VTI1A: variants seen among roughly 807,000 people sequenced by gnomAD.
VTI1A encodes vesicle transport through interaction with t-SNAREs 1A, also known as vesicle transport through interaction with t-SNAREs homolog 1A.
In VTI1A, 22 loss-of-function variants were observed where a neutral mutation model predicts 34.9. The observed-to-expected ratio is 0.63, with a 90% CI of 0.45 to 0.90. VTI1A has a LOEUF of 0.90. Among genes scored for constraint, VTI1A ranks in the 40% least tolerant of loss-of-function variants. The probability of loss-of-function intolerance (pLI) is 0.00; values close to 1 mark genes in which losing one functional copy is unlikely to be tolerated. For synonymous variants in VTI1A, 87 were observed against 97.3 expected (o/e 0.89, Z 0.62); for missense variants, 268 against 275.6 (o/e 0.97, Z 0.20).
At position 112,631,672 on chromosome 10, in the gene VTI1A, C is replaced by T. The variant is rs544144661; in HGVS notation, c.428-36546C>T. On this transcript the variant is annotated intron_variant, in intron 5 of 7. Transcript: ENST00000393077. ...TGCTATTAACTCCCTGAAAGCCTGA[C>T]GCAAACCTCTGAGCCTTATTTTGCT... Among the ~76,000 whole-genome samples the T allele has an allele frequency of 9.2e-5, 14 of 152,262 alleles. 1 individual carries two copies. The South Asian group carries it at 1.5e-3, about 16-fold the overall frequency.
At chr10:112,753,366 A>C (rs1379064546) in intron 7 of VTI1A, among the ~76,000 whole-genome samples, 7 of 152,140 alleles carry the variant, frequency 4.6e-5, no homozygotes, top group Admixed American at 1.3e-4. Context: ...GAAAGGGATT[A>C]AGTTTGTCTT....
Position 112,726,263 on chromosome 10 carries a change from A to T in VTI1A, c.560+57265A>T, listed in dbSNP as rs116564777. ...CCTTCATCCTCTCCTTCTAAATCAGATACCCCAGCTCATCTCTGGGCTTCT... is the reference window on the plus strand; with the variant it reads ...CCTTCATCCTCTCCTTCTAAATCAGTTACCCCAGCTCATCTCTGGGCTTCT... On this transcript the variant is annotated intron_variant, in intron 7 of 7. Coordinates refer to ENST00000393077, the MANE Select transcript of VTI1A (RefSeq NM_145206.4). Among the ~76,000 whole-genome samples the T allele has an allele frequency of 4.3e-3, 660 of 152,256 alleles. 7 individuals are homozygous for T. The highest frequency in any genetic ancestry group is 0.015 in the African/African-American group (631 of 41,556).
At chr10:112,536,751 C>A (rs559291263) in intron 4 of VTI1A, among the ~76,000 whole-genome samples, 1 of 150,110 alleles carries the variant, frequency 6.7e-6, no homozygotes. Context: ...CTCACCCCCC[C>A]ACCCTTCCCC....
chr10:112,545,381 T>C (rs749558865), intron 5 of VTI1A, among the ~76,000 whole-genome samples: 1 of 152,248 alleles, frequency 6.6e-6, no homozygotes, highest in Non-Finnish European at 1.5e-5. Context: ...TTTATGATAA[T>C]ATTTTACATG....
the VTI1A span, among the ~76,000 whole-genome samples, chr10:112,835,284 A>C: frequency 5.3e-5 from 8 of 152,158 alleles, no homozygotes; most frequent in African/African-American, 1.9e-4. Flanking sequence ...GTCAGTTTCC[A>C]AAATGGTCTC....
rs111634633 is a variant in VTI1A at position 112,802,476 on chromosome 10, C to T, written c.561-12814C>T. On this transcript the variant is annotated intron_variant, in intron 7 of 7. Coordinates refer to ENST00000393077, the MANE Select transcript of VTI1A (RefSeq NM_145206.4). ...AAATGGGGATGATAATAGGCCCCAG[C>T]TCATAGGGTTGTTGTGAGGGTTCAG... Among the ~76,000 whole-genome samples, 1,033 of 152,240 alleles carry T rather than the reference C, an allele frequency of 6.8e-3. 5 individuals are homozygous for T. The highest frequency in any genetic ancestry group is 0.011 in the Non-Finnish European group (775 of 68,012).
chr10:112,638,261 A>G (rs968150030), intron 5 of VTI1A, among the ~76,000 whole-genome samples: 2 of 152,210 alleles, frequency 1.3e-5, no homozygotes, highest in African/African-American at 4.8e-5. Flanking sequence ...TATCGGTGCA[A>G]AGCTTTACAT....
At chr10:112,832,538 CAGA>C in the VTI1A span, 1 of 152,282 alleles carries the variant, frequency 6.6e-6, no homozygotes, top group East Asian at 1.9e-4. Flanking sequence ...TTCTCTTTCT[CAGA>C]AGAATGAAGG....
chr10:112,508,234 G>T (rs1042661854), intron 3 of VTI1A, among the ~76,000 whole-genome samples: 2 of 152,186 alleles, frequency 1.3e-5, no homozygotes, highest in African/African-American at 4.8e-5. Flanking sequence ...AATAGATTTT[G>T]TGCTTCTGAA....
At chr10:112,484,030 A>G (rs894924748) in intron 3 of VTI1A, among the ~76,000 whole-genome samples, 2 of 152,238 alleles carry the variant, frequency 1.3e-5, no homozygotes, top group Admixed American at 6.5e-5. Flanking sequence ...TTCTCTGCTC[A>G]TCTAATGTGT....
chr10:112,808,852 C>T lies in VTI1A; in HGVS notation c.561-6438C>T, dbSNP rs139526389. On this transcript the variant is annotated intron_variant, in intron 7 of 7. Transcript: ENST00000393077. ...TCGGCTTCTTTCAGGCAGCCTCGTC[C>T]GGTATGGTAGTAAGAATGGTCCTTG... 4.5e-3 allele frequency among the ~76,000 whole-genome samples: 692 copies of T among 152,236 alleles called. 5 individuals carry two copies. In the Middle Eastern group the frequency reaches 0.061, roughly 13 times the overall value.
intron 5 of VTI1A, among the ~76,000 whole-genome samples, chr10:112,617,510 TAATAAC>T (rs1327070624): frequency 6.6e-6 from 1 of 152,046 alleles, no homozygotes; most frequent in Non-Finnish European, 1.5e-5. Flanking sequence ...TTAAAAATAA[TAATAAC>T]AATATCTAAT....
chr10:112,609,172 A>C (rs141648444), intron 5 of VTI1A, among the ~76,000 whole-genome samples: 1 of 152,276 alleles, frequency 6.6e-6, no homozygotes, highest in East Asian at 1.9e-4. Flanking sequence ...GCTTAATCCT[A>C]CCAAAAAGCT....
chr10:112,785,396 C>T (rs1264205067), intron 7 of VTI1A, among the ~76,000 whole-genome samples: 1 of 152,208 alleles, frequency 6.6e-6, no homozygotes, highest in Non-Finnish European at 1.5e-5. Flanking sequence ...TATTTTTATA[C>T]TTGTCTGTAC....
intron 3 of VTI1A, among the ~76,000 whole-genome samples, chr10:112,501,894 T>C (rs1849255537): frequency 6.6e-6 from 1 of 152,120 alleles, no homozygotes; most frequent in Admixed American, 6.6e-5. Flanking sequence ...TCAATTTCTA[T>C]GATCTCAGGC....
At chr10:112,707,057 T>C (rs578002309) in intron 7 of VTI1A, among the ~76,000 whole-genome samples, 35 of 152,346 alleles carry the variant, frequency 2.3e-4, no homozygotes, top group African/African-American at 7.9e-4. Flanking sequence ...ATATTTATTA[T>C]TGAATATTTT....
At chr10:112,736,682 G>A in intron 7 of VTI1A, 1 of 1,551,530 alleles carries the variant, frequency 6.4e-7, no homozygotes, top group South Asian at 1.2e-5. Context: ...ATGAGGGATG[G>A]TGAGAAATGC....
At chr10:112,739,555 A>G (rs1850618608) in intron 7 of VTI1A, among the ~76,000 whole-genome samples, 1 of 152,238 alleles carries the variant, frequency 6.6e-6, no homozygotes, top group Admixed American at 6.5e-5. Flanking sequence ...CTTTTCATTT[A>G]CCATCAAAAT....
At chr10:112,500,458 GA>G (rs957751054) in intron 3 of VTI1A, among the ~76,000 whole-genome samples, 39 of 145,704 alleles carry the variant, frequency 2.7e-4, no homozygotes, top group African/African-American at 9.1e-4. Context: ...GAAAAGAAAA[GA>G]AAAAAAAAAG....
Sources: gnomAD v4.1 joint callset for allele counts (sites outside exome capture counted in the v4.1 genomes callset) on GRCh38, gnomAD v4.1.1 for gene constraint, MANE v1.5 for transcripts, NCBI Gene and HGNC (gene_info 2026-07-23, HGNC 2026-07-21) for gene names.